FYB1: variants seen among roughly 807,000 people sequenced by gnomAD.
The protein encoded by FYB1 is FYN-binding protein 1.
FYB1 carries 41 observed loss-of-function variants against 94.1 expected under a neutral mutation model. The observed-to-expected ratio is 0.44, with a 90% CI of 0.34 to 0.57. FYB1 has a LOEUF of 0.57. FYB1 is among the 20% of genes least tolerant of loss of function. The pLI, the probability that FYB1 is intolerant of heterozygous loss-of-function variation, is 0.02. For synonymous variants in FYB1, 367 were observed against 353.2 expected, an observed-to-expected ratio of 1.04 and a Z score of -0.44; for missense variants, 1,050 against 976.8, an observed-to-expected ratio of 1.07 and a Z score of -1.00.
At chr5:39,143,051 A>G (rs1275550295) in intron 3 of FYB1, among the ~76,000 whole-genome samples, 1 of 151,928 alleles carries the variant, frequency 6.6e-6, no homozygotes, top group Admixed American at 6.6e-5. Flanking sequence ...TTCACTTTGC[A>G]GTTTTTCCTA....
At chr5:39,218,894 T>A (rs1750082385) in intron 1 of FYB1, among the ~76,000 whole-genome samples, 1 of 152,224 alleles carries the variant, frequency 6.6e-6, no homozygotes. Context: ...TTGTCATCAT[T>A]TATCCAGTTT....
At chr5:39,238,023 A>T (rs1006639792) in intron 1 of FYB1, among the ~76,000 whole-genome samples, 2 of 152,132 alleles carry the variant, frequency 1.3e-5, no homozygotes, top group African/African-American at 4.8e-5. Context: ...TAGCTAATAC[A>T]TCGGTGGATG....
rs1300857964 is a variant in FYB1, at chr5:39,141,280, G to A, written c.1293-139C>T. On this transcript the variant is annotated intron_variant, in intron 3 of 18. Coordinates refer to ENST00000512982, the MANE Select transcript of FYB1 (RefSeq NM_001465.6). ...TGATTTAAAGCTTCAGACATCACTA[G>A]CATAGGCTTTAGCCTTATACTTCTG... 10 of 663,272 alleles carry A rather than the reference G, an allele frequency of 1.5e-5. No homozygotes were observed. In the East Asian group the frequency reaches 2.8e-4, roughly 18 times the overall value. The allele number at this position is 663,272 out of a possible 1,614,324, so 41.1% of individuals were successfully genotyped here. A position where few individuals can be genotyped will look rare whatever the true frequency, so the allele number is the denominator to read the frequency against.
rs1018609292 is a variant in FYB1 at position 39,196,183 on chromosome 5, A to G, written c.1135+5643T>C. The stretch of plus-strand genomic sequence containing the variant: ...TACTGAACAAAATCTGGGAGTAAAT[A>G]AATTCTAGTTAAATATAATTCTTTC... On this transcript the variant is annotated intron_variant, in intron 2 of 18. Coordinates refer to ENST00000512982, the MANE Select transcript of FYB1 (RefSeq NM_001465.6). Among the ~76,000 whole-genome samples, 3 of 151,766 alleles carry G rather than the reference A, an allele frequency of 2.0e-5. No homozygotes were observed. The South Asian group carries it at 6.2e-4, about 32-fold the overall frequency.
intron 3 of FYB1, among the ~76,000 whole-genome samples, chr5:39,147,452 C>CTGTGTG (rs71606520): frequency 0.15 from 21,421 of 144,394 alleles, 1,693 homozygotes; most frequent in African/African-American, 0.16. Flanking sequence ...GTACATATGC[C>CTGTGTG]TGTGTGTGTG....
At chr5:39,199,885 T>C (rs1165696955) in intron 2 of FYB1, among the ~76,000 whole-genome samples, 1 of 152,190 alleles carries the variant, frequency 6.6e-6, no homozygotes, top group Non-Finnish European at 1.5e-5. Flanking sequence ...TTTAAAAAGG[T>C]GAATGCTTTA....
chr5:39,227,240 C>G (rs1016033990), intron 1 of FYB1, among the ~76,000 whole-genome samples: 4 of 148,622 alleles, frequency 2.7e-5, no homozygotes, highest in Non-Finnish European at 5.9e-5. Flanking sequence ...ATACATAACT[C>G]TTGGTTGGAT....
At chr5:39,245,792 G>C (rs1459677078) in intron 1 of FYB1, among the ~76,000 whole-genome samples, 2 of 152,118 alleles carry the variant, frequency 1.3e-5, no homozygotes, top group Admixed American at 1.3e-4. Flanking sequence ...AGAGACGCGG[G>C]TTTCGCCATG....
intron 16 of FYB1, among the ~76,000 whole-genome samples, chr5:39,117,535 C>T (rs1029256751): frequency 2.6e-5 from 4 of 152,118 alleles, no homozygotes; most frequent in African/African-American, 9.7e-5. Flanking sequence ...CTTAATATTA[C>T]ACTGCCACTG....
At chr5:39,126,688 C>G (rs1252790885) in intron 11 of FYB1, among the ~76,000 whole-genome samples, 3 of 106,648 alleles carry the variant, frequency 2.8e-5, no homozygotes, top group Non-Finnish European at 5.0e-5. Context: ...AGAGTGAGAC[C>G]TGGTCTCAAA....
At chr5:39,129,605 C>G (rs957532232) in intron 10 of FYB1, among the ~76,000 whole-genome samples, 2 of 151,840 alleles carry the variant, frequency 1.3e-5, no homozygotes, top group Non-Finnish European at 2.9e-5. Context: ...TCAATCAATT[C>G]AACAGCAAAA....
At chr5:39,165,255 G>A (rs1202921009) in intron 2 of FYB1, among the ~76,000 whole-genome samples, 2 of 152,142 alleles carry the variant, frequency 1.3e-5, no homozygotes, top group Admixed American at 1.3e-4. Flanking sequence ...CAAGGCTATA[G>A]CAACCAAAAC....
intron 2 of FYB1, among the ~76,000 whole-genome samples, chr5:39,165,973 A>G (rs182869190): frequency 6.6e-6 from 1 of 152,350 alleles, no homozygotes; most frequent in Admixed American, 6.5e-5. Context: ...AAATAAAATA[A>G]TAAGAGATGT....
intron 2 of FYB1, among the ~76,000 whole-genome samples, chr5:39,195,591 C>T (rs139928859): frequency 3.3e-5 from 5 of 152,298 alleles, no homozygotes; most frequent in African/African-American, 7.2e-5. Flanking sequence ...CTGGGGCCCT[C>T]GCCTTACACC....
chr5:39,210,989 A>G (rs1749315645), intron 1 of FYB1: 2 of 152,226 alleles, frequency 1.3e-5, no homozygotes, highest in South Asian at 4.1e-4. Context: ...GTACAGAACA[A>G]CAAATGGTCC....
intron 1 of FYB1, among the ~76,000 whole-genome samples, chr5:39,251,662 A>T (rs1751714216): frequency 6.6e-6 from 1 of 152,144 alleles, no homozygotes; most frequent in Non-Finnish European, 1.5e-5. Context: ...ACAGAAAAAT[A>T]CAATTAGAAT....
In FYB1 at chr5:39,135,439, C is replaced by T. The variant is rs1741599925; in HGVS notation, c.1516-425G>A. 2.6e-5 allele frequency among the ~76,000 whole-genome samples: 4 copies of T among 152,200 alleles called. 1 individual carries two copies. The highest frequency in any genetic ancestry group is 2.6e-4 in the Admixed American group (4 of 15,280). ...GTTTGTAAAATTGGAGCAGACATTACCTGCTATAAACAAGATAACATTTCA... is the reference window on the plus strand; with the variant it reads ...GTTTGTAAAATTGGAGCAGACATTATCTGCTATAAACAAGATAACATTTCA... On this transcript the variant is annotated intron_variant, in intron 7 of 18. Coordinates refer to ENST00000512982, the MANE Select transcript of FYB1 (RefSeq NM_001465.6).
chr5:39,199,425 G>A (rs959454126), intron 2 of FYB1, among the ~76,000 whole-genome samples: 2 of 152,074 alleles, frequency 1.3e-5, no homozygotes, highest in Admixed American at 6.6e-5. Context: ...ACACATACAC[G>A]AGTTTATTTT....
chr5:39,245,039 T>G (rs1391863885), intron 1 of FYB1, among the ~76,000 whole-genome samples: 2 of 152,208 alleles, frequency 1.3e-5, no homozygotes, highest in African/African-American at 4.8e-5. Flanking sequence ...CTTTTCTTCT[T>G]TATTAGTCTT....
Sources: allele counts gnomAD v4.1 joint callset (sites outside exome capture counted in the v4.1 genomes callset), GRCh38; gene constraint gnomAD v4.1.1; transcripts MANE v1.5; gene names NCBI Gene and HGNC (gene_info 2026-07-23, HGNC 2026-07-21).